THSD7B: variants seen among roughly 807,000 people sequenced by gnomAD.
THSD7B encodes the protein thrombospondin type 1 domain containing 7B, also known as thrombospondin type-1 domain-containing protein 7B.
A neutral mutation model predicts 213.6 loss-of-function variants in THSD7B; 138 were observed. The observed-to-expected ratio is 0.65, with a 90% CI of 0.56 to 0.74. The LOEUF (loss-of-function observed/expected upper bound fraction) is 0.74, where lower values mean the gene tolerates loss of function less well. THSD7B is among the 30% of genes least tolerant of loss of function. The pLI is 0.00. For missense variants in THSD7B, 1,931 were observed against 1,991.5 expected, an observed-to-expected ratio of 0.97 and a Z score of 0.58; for synonymous variants, 742 against 687.0, an observed-to-expected ratio of 1.08 and a Z score of -1.25.
At chr2:137,587,537 T>C (rs575737148) in intron 17 of THSD7B, among the ~76,000 whole-genome samples, 7 of 152,358 alleles carry the variant, frequency 4.6e-5, no homozygotes, top group Middle Eastern at 3.4e-3. Flanking sequence ...TTTCTGTTTG[T>C]TAGTTTTCCT....
At chr2:137,104,091 A>C (rs1467276198) in intron 4 of THSD7B, among the ~76,000 whole-genome samples, 1 of 152,210 alleles carries the variant, frequency 6.6e-6, no homozygotes, top group African/African-American at 2.4e-5. Flanking sequence ...TCTTCTCAGC[A>C]CCACATCACA....
At chr2:137,382,778 C>T (rs1685806293) in intron 12 of THSD7B, among the ~76,000 whole-genome samples, 2 of 152,130 alleles carry the variant, frequency 1.3e-5, no homozygotes, top group African/African-American at 4.8e-5. Flanking sequence ...GATCTGTAGT[C>T]CTAATGCACA....
At chr2:137,324,156 C>T (rs1489885317) in intron 12 of THSD7B, among the ~76,000 whole-genome samples, 3 of 152,104 alleles carry the variant, frequency 2.0e-5, no homozygotes, top group Admixed American at 1.3e-4. Context: ...ATTTTCATTT[C>T]ACTTATCACA....
In THSD7B at chr2:137,231,168, C is replaced by T; in HGVS notation, c.1848C>T (p.Ser616=). The T allele has an allele frequency of 6.2e-7, 1 of 1,613,594 alleles. No homozygotes were observed. Among genetic ancestry groups the T allele is most frequent in the Non-Finnish European group, 8.5e-7 (1 of 1,179,716 alleles). Residue 616 remains serine, a synonymous_variant, in exon 8 of 28, where the codon TCC becomes TCT. Coordinates refer to ENST00000409968, the MANE Select transcript of THSD7B (RefSeq NM_001316349.2). The stretch of plus-strand genomic sequence containing the variant: ...CGGAGTGGTCATCCTGTTCCCAGTC[C>T]TGTTCAAATAAAAACTCAGATGGGA... ...EWTEWSSCSQ[S]CSNKNSDGKQ...
At chr2:137,198,378 G>A (rs1254083107) in intron 7 of THSD7B, among the ~76,000 whole-genome samples, 1 of 152,112 alleles carries the variant, frequency 6.6e-6, no homozygotes, top group Non-Finnish European at 1.5e-5. Flanking sequence ...TCCTGACACT[G>A]GGAGAGGAAT....
At chr2:137,667,736 G>A (rs1278833942) in intron 26 of THSD7B, 38 bp from the exon 27 acceptor site, 2 of 1,531,156 alleles carry the variant, frequency 1.3e-6, no homozygotes, top group South Asian at 1.2e-5. Flanking sequence ...GCAGACTTCT[G>A]TATGCTAAGC....
intron 12 of THSD7B, among the ~76,000 whole-genome samples, chr2:137,398,885 T>C (rs1686276373): frequency 6.6e-6 from 1 of 152,212 alleles, no homozygotes; most frequent in Non-Finnish European, 1.5e-5. Flanking sequence ...TTTTTAAGCC[T>C]GTCAGAAAAG....
chr2:136,813,247 C>T (rs1301057173), intron 1 of THSD7B, among the ~76,000 whole-genome samples: 2 of 152,206 alleles, frequency 1.3e-5, no homozygotes, highest in East Asian at 3.9e-4. Context: ...ATGTGTCAAA[C>T]AGTCTTTCTT....
intron 12 of THSD7B, among the ~76,000 whole-genome samples, chr2:137,377,892 TG>T (rs1685695096): frequency 1.3e-5 from 2 of 152,132 alleles, no homozygotes; most frequent in Non-Finnish European, 2.9e-5. Flanking sequence ...CCCGAAGTGC[TG>T]AAATTACAGG....
At chr2:137,007,999 G>C (rs1046946474) in intron 2 of THSD7B, among the ~76,000 whole-genome samples, 13 of 152,154 alleles carry the variant, frequency 8.5e-5, no homozygotes, top group Admixed American at 7.2e-4. Flanking sequence ...TTAGTTGAGG[G>C]GGTCAGCTAT....
intron 12 of THSD7B, among the ~76,000 whole-genome samples, chr2:137,365,068 G>T (rs1218785685): frequency 1.3e-5 from 2 of 152,076 alleles, no homozygotes; most frequent in East Asian, 3.9e-4. Context: ...ACAGAACAGA[G>T]GCCTCAGAAA....
At chr2:136,898,810 G>A (rs2105009817) in intron 2 of THSD7B, among the ~76,000 whole-genome samples, 1 of 151,880 alleles carries the variant, frequency 6.6e-6, no homozygotes, top group African/African-American at 2.4e-5. Context: ...GCCCAGCTAA[G>A]TTTTGTAGTT....
intron 15 of THSD7B, among the ~76,000 whole-genome samples, chr2:137,472,991 C>T (rs1449981804): frequency 6.6e-6 from 1 of 151,944 alleles, no homozygotes; most frequent in Non-Finnish European, 1.5e-5. Context: ...TTTTTATGTA[C>T]TGTGAAACTC....
intron 15 of THSD7B, among the ~76,000 whole-genome samples, chr2:137,511,010 G>T (rs1679952432): frequency 1.3e-5 from 2 of 152,012 alleles, no homozygotes; most frequent in Admixed American, 6.6e-5. Context: ...TTAAAATATG[G>T]TTTTTCTCCT....
In THSD7B at chr2:136,767,846, C is replaced by G. The variant is rs574337890; in HGVS notation, c.-36+2159C>G. ...GAGGGTTCATAATACGATGAGCTCA[C>G]TTTATGTCAACCTTAATATTTAAAT... is the stretch of plus-strand genomic sequence containing the variant. On this transcript the variant is annotated intron_variant, in intron 1 of 27. Coordinates refer to ENST00000409968, the MANE Select transcript of THSD7B (RefSeq NM_001316349.2). Among the ~76,000 whole-genome samples the G allele has an allele frequency of 1.1e-4, 16 of 152,266 alleles. No homozygotes were observed. In the East Asian group the frequency reaches 3.1e-3, roughly 29 times the overall value.
intron 2 of THSD7B, among the ~76,000 whole-genome samples, chr2:136,983,373 A>ACACACACACACACACACACACACACAC (rs1558876348): frequency 6.7e-6 from 1 of 149,744 alleles, no homozygotes; most frequent in East Asian, 2.0e-4. Flanking sequence ...ACACACACGC[A>ACACACACACACACACACACACACACAC]CACACACTCA....
intron 2 of THSD7B, among the ~76,000 whole-genome samples, chr2:137,001,793 A>T (rs1286461979): frequency 6.6e-6 from 1 of 152,090 alleles, no homozygotes; most frequent in African/African-American, 2.4e-5. Flanking sequence ...TCTCACAACC[A>T]GTCACTTTTC....
chr2:137,430,249 A>G (rs566460779), intron 14 of THSD7B, among the ~76,000 whole-genome samples: 9 of 152,184 alleles, frequency 5.9e-5, no homozygotes, highest in Non-Finnish European at 1.2e-4. Flanking sequence ...CCCTGACTCA[A>G]AAAAATTTAT....
At chr2:136,780,233 C>CACCA (rs1681713949) in intron 1 of THSD7B, among the ~76,000 whole-genome samples, 3 of 152,046 alleles carry the variant, frequency 2.0e-5, no homozygotes, top group African/African-American at 7.2e-5. Flanking sequence ...TGCCTCATTG[C>CACCA]TGTGTTCTCT....
Sources: gnomAD v4.1 joint callset for allele counts (sites outside exome capture counted in the v4.1 genomes callset) on GRCh38, gnomAD v4.1.1 for gene constraint, MANE v1.5 for transcripts, NCBI Gene and HGNC (gene_info 2026-07-23, HGNC 2026-07-21) for gene names.